SNX1: variants seen among roughly 807,000 people sequenced by gnomAD.
SNX1 encodes the protein sorting nexin 1, also known as sorting nexin-1.
Under a neutral mutation model 71.8 loss-of-function variants are expected in SNX1, and 36 were observed. The ratio of observed to expected loss-of-function variants is 0.50; its 90% CI spans 0.38 to 0.66. SNX1 has a LOEUF of 0.66. SNX1 is among the 30% of genes least tolerant of loss of function. The pLI, the probability that SNX1 is intolerant of heterozygous loss-of-function variation, is 0.00. For synonymous variants in SNX1, 254 were observed against 240.7 expected, an observed-to-expected ratio of 1.06 and a Z score of -0.51; for missense variants, 612 against 646.7, an observed-to-expected ratio of 0.95 and a Z score of 0.58.
At chr15:64,100,802 T>C (rs1049343363) in intron 1 of SNX1, among the ~76,000 whole-genome samples, 2 of 151,276 alleles carry the variant, frequency 1.3e-5, no homozygotes, top group East Asian at 3.9e-4. Flanking sequence ...GCAAAAGCTT[T>C]TTATTTGTTT....
intron 4 of SNX1, 139 bp downstream of exon 4, chr15:64,118,993 C>T: frequency 4.9e-6 from 3 of 607,088 alleles, no homozygotes; most frequent in Non-Finnish European, 8.6e-6. Context: ...TAAAAGTAGA[C>T]CCCTTGCTAT....
At position 64,098,011 on chromosome 15, in the gene SNX1, T is replaced by C. The variant is rs1360875621; in HGVS notation, c.159+1839T>C. On this transcript the variant is annotated intron_variant, in intron 1 of 14. Transcript: ENST00000559844. ...CTTATTCTGAGAAATAATAAGTCTT[T>C]GTGACTGTCATAAAACAGGAAACAA... Among the ~76,000 whole-genome samples the C allele has an allele frequency of 2.6e-5, 4 of 152,218 alleles. No homozygotes were observed. In the East Asian group the frequency reaches 7.7e-4, roughly 29 times the overall value.
In SNX1 at chr15:64,136,308, T is replaced by A. The variant is rs766746232; in HGVS notation, c.1366-22T>A. 3.8e-6 allele frequency: 6 copies of A among 1,598,926 alleles called. No homozygotes were observed. In the South Asian group the frequency reaches 6.6e-5, roughly 18 times the overall value. On this transcript the variant is annotated intron_variant, in intron 12 of 14. Coordinates refer to ENST00000559844, the MANE Select transcript of SNX1 (RefSeq NM_003099.5). ...ATGGTGCCATAATATGAGGTGATCC[T>A]TTCTTTCCTCTTTCTTCCCAGTGGG...
At chr15:64,133,736 A>C (rs1469907958) in intron 11 of SNX1, among the ~76,000 whole-genome samples, 1 of 152,232 alleles carries the variant, frequency 6.6e-6, no homozygotes, top group East Asian at 1.9e-4. Flanking sequence ...ACTCCGTCTA[A>C]AAAGAAAATA....
chr15:64,136,933 G>A lies in SNX1; in HGVS notation c.1518+1G>A. 6.2e-7 allele frequency: 1 copy of A among 1,613,180 alleles called. No individual in the cohort carries two copies. The highest frequency in any genetic ancestry group is 1.1e-5 in the South Asian group (1 of 91,038). ...GACACTCCTTTACTCACAGCAGCAGGTATGTAAGTTGTGTGTGACCTTCAT... is the reference window on the plus strand; with the variant it reads ...GACACTCCTTTACTCACAGCAGCAGATATGTAAGTTGTGTGTGACCTTCAT... On this transcript the variant is annotated splice_donor_variant, in intron 14 of 14. Transcript: ENST00000559844. LOFTEE classifies it high-confidence loss of function.
intron 1 of SNX1, among the ~76,000 whole-genome samples, chr15:64,101,049 A>G (rs1248194456): frequency 1.3e-5 from 2 of 152,092 alleles, no homozygotes; most frequent in African/African-American, 4.8e-5. Flanking sequence ...TGATCCTCCC[A>G]CCTTGGCCTC....
chr15:64,130,865 A>G (rs1188248317), intron 10 of SNX1, among the ~76,000 whole-genome samples: 1 of 152,242 alleles, frequency 6.6e-6, no homozygotes, highest in Non-Finnish European at 1.5e-5. Flanking sequence ...AATCTGGCCC[A>G]TGGGCCAAAT....
chr15:64,111,672 G>T (rs1369445856), intron 1 of SNX1: 2 of 152,206 alleles, frequency 1.3e-5, no homozygotes, highest in Non-Finnish European at 2.9e-5. Context: ...GGTCAGAAAA[G>T]GTCTGTCTCC....
intron 5 of SNX1, among the ~76,000 whole-genome samples, chr15:64,125,265 G>A (rs576436214): frequency 3.0e-4 from 45 of 151,988 alleles, no homozygotes; most frequent in Admixed American, 5.2e-4. Context: ...GAGTTCGAGA[G>A]CAGCCCGGCC....
At position 64,096,042 on chromosome 15, in the gene SNX1, C is replaced by T. The variant is rs748857822; in HGVS notation, c.29C>T (p.Ala10Val). ...GCGTCGGGTGGTGGTGGCTGTAGCGCTTCGGAGAGACTGCCTCCGCCCTTC... is the reference window on the plus strand; with the variant it reads ...GCGTCGGGTGGTGGTGGCTGTAGCGTTTCGGAGAGACTGCCTCCGCCCTTC... MASGGGGCS[A>V]SERLPPPFPG... The change falls in exon 1 of 15, where the codon GCT becomes GTT. Residue 10 changes from alanine (A) to valine (V), a missense_variant. Ala to Val is a moderately conservative substitution (Grantham distance 64). Coordinates refer to ENST00000559844, the MANE Select transcript of SNX1 (RefSeq NM_003099.5). The T allele has an allele frequency of 1.9e-6, 3 of 1,594,158 alleles. No homozygotes were observed. Among genetic ancestry groups the T allele is most frequent in the East Asian group, 2.3e-5 (1 of 44,166 alleles).
chr15:64,097,952 CTAATA>C (rs1196193621), intron 1 of SNX1, among the ~76,000 whole-genome samples: 1 of 152,172 alleles, frequency 6.6e-6, no homozygotes, highest in African/African-American at 2.4e-5. Context: ...CTTGATAATT[CTAATA>C]TAACAACTAA....
intron 5 of SNX1, among the ~76,000 whole-genome samples, chr15:64,124,843 G>A (rs1302916335): frequency 6.6e-6 from 1 of 152,190 alleles, no homozygotes; most frequent in African/African-American, 2.4e-5. Context: ...CATCAGCAGT[G>A]TATAAAAGTT....
chr15:64,110,032 G>T (rs906974511), intron 1 of SNX1, among the ~76,000 whole-genome samples: 3 of 152,248 alleles, frequency 2.0e-5, no homozygotes, highest in Middle Eastern at 3.4e-3. Flanking sequence ...AGTAGTATTT[G>T]GTGGAACCTG....
chr15:64,117,742 A>G (rs1199415485), intron 2 of SNX1, among the ~76,000 whole-genome samples: 1 of 152,186 alleles, frequency 6.6e-6, no homozygotes, highest in Non-Finnish European at 1.5e-5. Context: ...CAGTGAGCCC[A>G]GATCGTGCCA....
At chr15:64,111,780 A>G (rs2081080293) in intron 1 of SNX1, among the ~76,000 whole-genome samples, 1 of 152,224 alleles carries the variant, frequency 6.6e-6, no homozygotes, top group African/African-American at 2.4e-5. Context: ...CTGACTTCAC[A>G]ACACTGCAGT....
At position 64,131,875 on chromosome 15, in the gene SNX1, C is replaced by T. The variant is rs1456278452; in HGVS notation, c.1204C>T (p.Leu402Phe). The T allele has an allele frequency of 6.2e-7, 1 of 1,614,202 alleles. No homozygotes were observed. Among genetic ancestry groups the T allele is most frequent in the South Asian group, 1.1e-5 (1 of 91,082 alleles). The change falls in exon 11 of 15, where the codon CTC becomes TTC. Residue 402 changes from leucine (L) to phenylalanine (F), a missense_variant. Physicochemically the swap from Leu to Phe is conservative, Grantham distance 22 (BLOSUM62 0). This residue lies in a region of SNX1 where 296 missense variants were observed against 361.9 expected (regional missense o/e 0.82). Transcript: ENST00000559844. Reference sequence around the variant, plus strand: ...TGAGCTCCTGAGTGACTACATTCGCCTCCTGGCCATAGTCCGCGTAAGCTT... The same window carrying T: ...TGAGCTCCTGAGTGACTACATTCGCTTCCTGGCCATAGTCCGCGTAAGCTT... ...LAELLSDYIR[L>F]LAIVRAAFDQ...
At position 64,123,690 on chromosome 15, in the gene SNX1, C is replaced by T. The variant is rs564091858; in HGVS notation, c.510+144C>T. The stretch of plus-strand genomic sequence containing the variant: ...ACTCAAGATAGAGCAAGCCTGCATC[C>T]CCTTGGTAATCTCATCTGGGTACTC... On this transcript the variant is annotated intron_variant, in intron 5 of 14. Transcript: ENST00000559844. 7.5e-6 allele frequency: 5 copies of T among 664,184 alleles called. No individual in the cohort carries two copies. In the East Asian group the frequency reaches 8.3e-5, roughly 11 times the overall value. 41.1% of individuals were successfully genotyped at this position (664,184 alleles called of 1,614,324 possible).
At chr15:64,100,870 ATCATGGCTCACTGCAGCC>A (rs2031395952) in intron 1 of SNX1, among the ~76,000 whole-genome samples, 1 of 152,226 alleles carries the variant, frequency 6.6e-6, no homozygotes, top group African/African-American at 2.4e-5. Context: ...CAGTGGCACC[ATCATGGCTCACTGCAGCC>A]TCTACCTCTT....
intron 2 of SNX1, chr15:64,115,579 T>G (rs1007119407): frequency 2.8e-5 from 12 of 421,242 alleles, no homozygotes; most frequent in Non-Finnish European, 4.7e-5. Context: ...TTTTTTTTTT[T>G]TTGAGACAGG....
Sources: gnomAD v4.1 joint callset for allele counts (sites outside exome capture counted in the v4.1 genomes callset) on GRCh38, gnomAD v4.1.1 for gene constraint, gnomAD v4.1.1 regional missense constraint, MANE v1.5 for transcripts, NCBI Gene and HGNC (gene_info 2026-07-23, HGNC 2026-07-21) for gene names.